WDR27: variants seen among roughly 807,000 people sequenced by gnomAD.
WDR27 encodes WD repeat domain 27, also known as WD repeat-containing protein 27.
WDR27 carries 100 observed loss-of-function variants against 114.4 expected under a neutral mutation model. That is an observed-to-expected ratio of 0.87 (90% CI 0.74 to 1.03). WDR27 has a LOEUF of 1.03. Ranked by LOEUF, WDR27 falls within the 50% of genes least tolerant of loss-of-function variation. The pLI, the probability that WDR27 is intolerant of heterozygous loss-of-function variation, is 0.00. For synonymous variants in WDR27, 449 were observed against 423.1 expected (o/e 1.06, Z -0.75); for missense variants, 1,129 against 1,092.9 (o/e 1.03, Z -0.47).
chr6:169,570,053 G>A (rs1421311891), intron 25 of WDR27, among the ~76,000 whole-genome samples: 1 of 152,094 alleles, frequency 6.6e-6, no homozygotes, highest in Non-Finnish European at 1.5e-5. Context: ...ATCACATTGG[G>A]CACCACGGAA....
At chr6:169,500,896 T>C (rs1357992255) in intron 25 of WDR27, among the ~76,000 whole-genome samples, 1 of 152,308 alleles carries the variant, frequency 6.6e-6, no homozygotes, top group African/African-American at 2.4e-5. Flanking sequence ...GGCAGGACAC[T>C]TGCACGACCA....
downstream of WDR27, among the ~76,000 whole-genome samples, chr6:169,455,541 G>T (rs191592392): frequency 8.5e-5 from 13 of 152,298 alleles, no homozygotes; most frequent in African/African-American, 2.6e-4. Context: ...CCATTAGAAA[G>T]GCAGATCTCT....
intron 2 of WDR27, among the ~76,000 whole-genome samples, chr6:169,685,112 T>A (rs138825756): frequency 2.1e-3 from 326 of 152,208 alleles, no homozygotes; most frequent in Non-Finnish European, 4.0e-3. Flanking sequence ...TACATCCACC[T>A]AGAATCAAGA....
intron 25 of WDR27, among the ~76,000 whole-genome samples, chr6:169,517,629 T>A (rs1470232055): frequency 6.6e-6 from 1 of 152,258 alleles, no homozygotes; most frequent in African/African-American, 2.4e-5. Flanking sequence ...AGACTCCCTA[T>A]GGCATTGGTT....
intron 18 of WDR27, among the ~76,000 whole-genome samples, chr6:169,637,736 A>C (rs1217140151): frequency 3.3e-5 from 5 of 152,086 alleles, no homozygotes; most frequent in African/African-American, 1.2e-4. Flanking sequence ...ATGTGTGTGA[A>C]TACGTGGTAA....
chr6:169,578,688 G>A (rs749946111), intron 24 of WDR27, among the ~76,000 whole-genome samples: 4 of 151,978 alleles, frequency 2.6e-5, no homozygotes, highest in Non-Finnish European at 4.4e-5. Flanking sequence ...ACAAAGCTGC[G>A]GACAAGAACT....
chr6:169,660,328 C>G (rs2128266349), intron 10 of WDR27, among the ~76,000 whole-genome samples: 1 of 152,252 alleles, frequency 6.6e-6, no homozygotes, highest in Admixed American at 6.5e-5. Context: ...CTGGGAGGCT[C>G]TCTAAGGATG....
chr6:169,530,465 C>A (rs1562539248), intron 25 of WDR27, among the ~76,000 whole-genome samples: 1 of 152,208 alleles, frequency 6.6e-6, no homozygotes, highest in Admixed American at 6.5e-5. Context: ...GCTCTGTTTT[C>A]CACAAGCTGC....
Position 169,545,431 on chromosome 6 carries a change from C to G in WDR27, c.2645+26988G>C, listed in dbSNP as rs564152700. On this transcript the variant is annotated intron_variant, in intron 25 of 25. Transcript: ENST00000448612. Reference sequence around the variant, plus strand: ...CCTCATCCAGCCAAGCCTGGTGGCTCACACCTGTAATCCTAGCACTTTGGG... The same window carrying G: ...CCTCATCCAGCCAAGCCTGGTGGCTGACACCTGTAATCCTAGCACTTTGGG... Among the ~76,000 whole-genome samples the G allele has an allele frequency of 8.5e-5, 13 of 152,324 alleles. No individual in the cohort carries two copies. In the South Asian group the frequency reaches 2.7e-3, roughly 32 times the overall value.
chr6:169,643,874 C>CA, intron 16 of WDR27, 88 bp from the exon 17 acceptor site: 1 of 1,032,124 alleles, frequency 9.7e-7, no homozygotes, highest in Non-Finnish European at 1.4e-6. Context: ...ACAGGAGTCA[C>CA]ACTGTAGAAA....
chr6:169,457,618 A>G lies in WDR27; in HGVS notation c.2662T>C (p.Trp888Arg). 6.4e-7 allele frequency: 1 copy of G among 1,552,424 alleles called. No homozygotes were observed. The highest frequency in any genetic ancestry group is 8.7e-7 in the Non-Finnish European group (1 of 1,147,192). Residue 888 changes from tryptophan (W) to arginine (R), a missense_variant, in exon 26 of 26, where the codon TGG becomes CGG. By Grantham distance (101) the Trp-to-Arg change is moderately radical (BLOSUM62 -3). Transcript: ENST00000448612. ...SWDYSLPQLP[W>R]MVNSSSF is the part of the protein sequence containing the mutation. ...TAGAAAGAGCTGGAGTTTACCATCC[A>G]AGGTAGCTGTGGCAAGCTGTAATTG...
intron 17 of WDR27, among the ~76,000 whole-genome samples, chr6:169,642,925 A>C (rs1819605820): frequency 6.6e-6 from 1 of 152,170 alleles, no homozygotes; most frequent in African/African-American, 2.4e-5. Flanking sequence ...CAGATTTTGG[A>C]GTATTTGCAT....
intron 13 of WDR27, among the ~76,000 whole-genome samples, chr6:169,654,744 C>CGCACAGAAGGAGGCGT (rs1353506190): frequency 4.2e-4 from 64 of 150,648 alleles, no homozygotes; most frequent in Non-Finnish European, 8.9e-4. Context: ...GGAGGAGGCG[C>CGCACAGAAGGAGGCGT]GCACAGGGTT....
intron 18 of WDR27, among the ~76,000 whole-genome samples, chr6:169,637,294 A>G (rs1036472461): frequency 1.3e-5 from 2 of 152,226 alleles, no homozygotes; most frequent in African/African-American, 2.4e-5. Context: ...CATTACTGCT[A>G]TCTGGACTAT....
At chr6:169,449,561 G>C in the WDR27 span, among the ~76,000 whole-genome samples, 5 of 152,302 alleles carry the variant, frequency 3.3e-5, no homozygotes, top group Admixed American at 2.6e-4. Context: ...CTGAGCAGCC[G>C]TGTGGGCACC....
At chr6:169,640,588 C>T (rs2128226790) in intron 17 of WDR27, among the ~76,000 whole-genome samples, 1 of 152,378 alleles carries the variant, frequency 6.6e-6, no homozygotes, top group African/African-American at 2.4e-5. Flanking sequence ...AGACACCACC[C>T]ATGCCGCTTG....
chr6:169,654,919 A>G (rs1823696086), intron 13 of WDR27, among the ~76,000 whole-genome samples: 3 of 152,212 alleles, frequency 2.0e-5, no homozygotes, highest in South Asian at 2.1e-4. Context: ...CTTTAGTGAC[A>G]GTGCGGGATC....
intron 25 of WDR27, among the ~76,000 whole-genome samples, chr6:169,516,788 AACACACACACACACACACACACACAC>A (rs3032851): frequency 8.4e-6 from 1 of 119,264 alleles, no homozygotes; most frequent in African/African-American, 3.1e-5. Context: ...GGCATGCTCC[AACACACACACACACACACACACACAC>A]ACACACACAC....
chr6:169,477,120 T>G (rs1787285118), intron 25 of WDR27, among the ~76,000 whole-genome samples: 1 of 152,362 alleles, frequency 6.6e-6, no homozygotes, highest in South Asian at 2.1e-4. Flanking sequence ...TTCTCCTTAC[T>G]GTATCAAAGT....
Sources: allele counts gnomAD v4.1 joint callset (sites outside exome capture counted in the v4.1 genomes callset), GRCh38; gene constraint gnomAD v4.1.1; transcripts MANE v1.5; gene names NCBI Gene and HGNC (gene_info 2026-07-23, HGNC 2026-07-21).